The following LINGO2 variants were observed in gnomAD, a reference collection of about 807,000 sequenced individuals.
The protein encoded by LINGO2 is leucine-rich repeat and immunoglobulin-like domain-containing nogo receptor-interacting protein 2.
LINGO2 carries 14 observed loss-of-function variants against 30.6 expected under a neutral mutation model. That is an observed-to-expected ratio of 0.46 (90% CI 0.30 to 0.72). The LOEUF (loss-of-function observed/expected upper bound fraction) is 0.72. LINGO2 is among the 30% of genes least tolerant of loss of function. The pLI is 0.07. For missense variants in LINGO2, 729 were observed against 751.7 expected, an observed-to-expected ratio of 0.97 and a Z score of 0.35; for synonymous variants, 317 against 288.5, an observed-to-expected ratio of 1.10 and a Z score of -1.00.
At chr9:28,790,429 C>T in the LINGO2 span, among the ~76,000 whole-genome samples, 2 of 149,670 alleles carry the variant, frequency 1.3e-5, no homozygotes, top group Non-Finnish European at 3.0e-5. Context: ...CCCGGGTTCA[C>T]GCCATTCTCC....
intron 4 of LINGO2, among the ~76,000 whole-genome samples, chr9:28,133,382 CAT>C (rs1272692453): frequency 6.6e-6 from 1 of 151,952 alleles, no homozygotes; most frequent in African/African-American, 2.4e-5. Context: ...TAATTATGGA[CAT>C]ATATATTTGG....
At chr9:28,278,327 CCA>C (rs1449353238) in intron 4 of LINGO2, among the ~76,000 whole-genome samples, 2 of 152,098 alleles carry the variant, frequency 1.3e-5, no homozygotes, top group Non-Finnish European at 2.9e-5. Context: ...GATAATTACA[CCA>C]AACAATAGAT....
chr9:28,932,905 T>G, the LINGO2 span, among the ~76,000 whole-genome samples: 2 of 150,858 alleles, frequency 1.3e-5, no homozygotes, highest in African/African-American at 4.9e-5. Context: ...TTTTATTATA[T>G]TATTATTATT....
chr9:28,257,520 A>G (rs1822422585), intron 4 of LINGO2, among the ~76,000 whole-genome samples: 1 of 151,970 alleles, frequency 6.6e-6, no homozygotes, highest in African/African-American at 2.4e-5. Context: ...AGTTCAGAGA[A>G]AACAAACAAA....
chr9:28,677,026 G>A, the LINGO2 span, among the ~76,000 whole-genome samples: 4 of 152,068 alleles, frequency 2.6e-5, no homozygotes, highest in Non-Finnish European at 4.4e-5. Context: ...GATAATTAAC[G>A]GTTACTGAAT....
At chr9:28,252,269 A>C (rs1822228192) in intron 4 of LINGO2, among the ~76,000 whole-genome samples, 1 of 152,078 alleles carries the variant, frequency 6.6e-6, no homozygotes, top group Non-Finnish European at 1.5e-5. Flanking sequence ...CTCTGTTTCT[A>C]GGCTGGAGTG....
intron 4 of LINGO2, among the ~76,000 whole-genome samples, chr9:28,069,573 T>G (rs1825412544): frequency 6.6e-6 from 1 of 152,182 alleles, no homozygotes; most frequent in Non-Finnish European, 1.5e-5. Context: ...GTGCAGGTTT[T>G]GATATTCCTT....
At chr9:28,773,295 G>C in the LINGO2 span, among the ~76,000 whole-genome samples, 1 of 150,802 alleles carries the variant, frequency 6.6e-6, no homozygotes, top group Non-Finnish European at 1.5e-5. Context: ...AACCCAGGAG[G>C]CAGAGTTTGC....
the LINGO2 span, among the ~76,000 whole-genome samples, chr9:28,886,554 G>A: frequency 3.3e-5 from 5 of 152,002 alleles, no homozygotes; most frequent in African/African-American, 9.7e-5. Context: ...CTGGATTTTT[G>A]CACAAAATAT....
At chr9:29,190,167 CTTCT>C in the LINGO2 span, among the ~76,000 whole-genome samples, 2 of 151,956 alleles carry the variant, frequency 1.3e-5, no homozygotes, top group African/African-American at 4.8e-5. Flanking sequence ...AAAAATGTTT[CTTCT>C]TTATTAAAGA....
At chr9:28,410,975 G>T (rs766214213) in intron 2 of LINGO2, among the ~76,000 whole-genome samples, 6 of 151,990 alleles carry the variant, frequency 3.9e-5, no homozygotes, top group Admixed American at 6.6e-5. Context: ...CATGCACAAC[G>T]ACCAAAACTG....
the LINGO2 span, among the ~76,000 whole-genome samples, chr9:28,953,011 T>C: frequency 6.6e-6 from 1 of 152,148 alleles, no homozygotes; most frequent in East Asian, 1.9e-4. Context: ...ACTCTCCAAA[T>C]GTTTACTGGG....
chr9:28,438,591 C>T lies in LINGO2; in HGVS notation c.-279+37349G>A, dbSNP rs576394207. ...TTTTAGGCTTCCATGATCACATCAG[C>T]CAATTTCTAGCGTAAATTTCCTTTT... On this transcript the variant is annotated intron_variant, in intron 2 of 5. Coordinates refer to ENST00000379992, the Ensembl canonical transcript of LINGO2. 6.4e-4 allele frequency among the ~76,000 whole-genome samples: 98 copies of T among 152,154 alleles called. 1 individual carries two copies. The highest frequency in any genetic ancestry group is 2.2e-3 in the African/African-American group (93 of 41,512).
At chr9:29,207,881 A>T in the LINGO2 span, among the ~76,000 whole-genome samples, 1 of 152,080 alleles carries the variant, frequency 6.6e-6, no homozygotes, top group Non-Finnish European at 1.5e-5. Flanking sequence ...AGAGCACATA[A>T]TTATTTCAAT....
At chr9:28,836,403 C>T in the LINGO2 span, among the ~76,000 whole-genome samples, 1 of 152,092 alleles carries the variant, frequency 6.6e-6, no homozygotes, top group Non-Finnish European at 1.5e-5. Context: ...CAACCTCCAC[C>T]TCCCGGGTTC....
At chr9:27,974,030 A>G (rs1412994577) in intron 5 of LINGO2, among the ~76,000 whole-genome samples, 2 of 152,194 alleles carry the variant, frequency 1.3e-5, no homozygotes, top group Admixed American at 6.5e-5. Flanking sequence ...GTGGTGTTAT[A>G]TGGAGAGTCA....
chr9:29,094,880 C>T, the LINGO2 span, among the ~76,000 whole-genome samples: 1,595 of 138,762 alleles, frequency 0.011, 295 homozygotes, highest in African/African-American at 0.041. Context: ...TGTTCTAGAC[C>T]ATTACATTTT....
intron 5 of LINGO2, among the ~76,000 whole-genome samples, chr9:27,970,922 A>T (rs1422179930): frequency 1.3e-5 from 2 of 151,156 alleles, no homozygotes; most frequent in Non-Finnish European, 2.9e-5. Context: ...GTAAATGGTG[A>T]TAACTGTGTT....
intron 5 of LINGO2, among the ~76,000 whole-genome samples, chr9:27,986,343 G>T (rs562404937): frequency 1.8e-4 from 27 of 151,840 alleles, no homozygotes; most frequent in Non-Finnish European, 2.8e-4. Flanking sequence ...GAAATAACAG[G>T]GGCAAAGGGA....
Sources: gnomAD v4.1 joint callset for allele counts (sites outside exome capture counted in the v4.1 genomes callset) on GRCh38, gnomAD v4.1.1 for gene constraint, MANE v1.5 for transcripts, NCBI Gene and HGNC (gene_info 2026-07-23, HGNC 2026-07-21) for gene names.